MYO16: variants seen among roughly 807,000 people sequenced by gnomAD.
The protein encoded by MYO16 is unconventional myosin-XVI.
A neutral mutation model predicts 205.3 loss-of-function variants in MYO16; 94 were observed. The observed-to-expected ratio is 0.46, with a 90% confidence interval of 0.39 to 0.54. The LOEUF (loss-of-function observed/expected upper bound fraction) is 0.54. MYO16 is among the 20% of genes least tolerant of loss of function. The probability of loss-of-function intolerance (pLI) is 0.00; values close to 1 mark genes in which losing one functional copy is unlikely to be tolerated. For synonymous variants in MYO16, 988 were observed against 954.0 expected (o/e 1.04, Z -0.66); for missense variants, 2,315 against 2,387.5 (o/e 0.97, Z 0.63).
At chr13:108,812,523 GA>G (rs1887325671) in intron 7 of MYO16, among the ~76,000 whole-genome samples, 2 of 152,110 alleles carry the variant, frequency 1.3e-5, no homozygotes, top group African/African-American at 4.8e-5. Flanking sequence ...ATTTCCATGA[GA>G]AACCCAGGCA....
intron 32 of MYO16, among the ~76,000 whole-genome samples, chr13:109,145,381 A>AC (rs397707289): frequency 6.6e-6 from 1 of 151,472 alleles, no homozygotes; most frequent in Non-Finnish European, 1.5e-5. Flanking sequence ...AAAAAAAAAA[A>AC]GTCTTTTAAA....
chr13:109,090,353 T>C (rs933606959), intron 27 of MYO16, among the ~76,000 whole-genome samples: 5 of 152,180 alleles, frequency 3.3e-5, no homozygotes, highest in African/African-American at 2.4e-5. Flanking sequence ...TTTCCATCTT[T>C]CTTGTAAATA....
the MYO16 span, among the ~76,000 whole-genome samples, chr13:108,569,022 T>A: frequency 6.6e-6 from 1 of 152,140 alleles, no homozygotes; most frequent in Non-Finnish European, 1.5e-5. Context: ...TTGATCTATA[T>A]GTCTGATTTT....
the MYO16 span, among the ~76,000 whole-genome samples, chr13:108,536,691 CTT>C: frequency 6.6e-6 from 1 of 152,056 alleles, no homozygotes; most frequent in Admixed American, 6.6e-5. Context: ...ATACCTGAAA[CTT>C]TTAGTATAAA....
At chr13:109,175,862 G>T (rs1879148244) in intron 33 of MYO16, among the ~76,000 whole-genome samples, 1 of 152,042 alleles carries the variant, frequency 6.6e-6, no homozygotes, top group Admixed American at 6.5e-5. Context: ...TGCGCCGTGG[G>T]ATTCTCTACC....
intron 1 of MYO16, among the ~76,000 whole-genome samples, chr13:108,609,529 A>G (rs898041286): frequency 6.6e-6 from 1 of 152,210 alleles, no homozygotes; most frequent in Non-Finnish European, 1.5e-5. Context: ...TAAGCTGATG[A>G]GTAAATGTAG....
At chr13:109,152,225 A>G (rs1184500341) in intron 32 of MYO16, among the ~76,000 whole-genome samples, 1 of 152,208 alleles carries the variant, frequency 6.6e-6, no homozygotes, top group Non-Finnish European at 1.5e-5. Context: ...TTTAATTGCT[A>G]AATTGCCTTT....
intron 2 of MYO16, among the ~76,000 whole-genome samples, chr13:108,677,907 A>G (rs906133827): frequency 5.5e-4 from 83 of 152,258 alleles, no homozygotes; most frequent in African/African-American, 1.9e-3. Flanking sequence ...GAGTTTTCTG[A>G]TTTATTGTGC....
At chr13:109,170,056 G>T (rs907063020) in intron 33 of MYO16, among the ~76,000 whole-genome samples, 1 of 151,322 alleles carries the variant, frequency 6.6e-6, no homozygotes, top group Non-Finnish European at 1.5e-5. Flanking sequence ...CAATAGGAGA[G>T]TATCTTTCTT....
In MYO16 at chr13:108,907,902, C is replaced by G. The variant is rs529524434; in HGVS notation, c.1778-2101C>G. ...ACAAGATGACTATTCATTCTCCCTTCTCATCTGATATTTCATGCCTAAAGG... is the reference window on the plus strand; with the variant it reads ...ACAAGATGACTATTCATTCTCCCTTGTCATCTGATATTTCATGCCTAAAGG... On this transcript the variant is annotated intron_variant, in intron 15 of 34. Transcript: ENST00000457511. Among the ~76,000 whole-genome samples, 34 of 152,250 alleles carry G rather than the reference C, an allele frequency of 2.2e-4. 1 individual carries two copies. In the South Asian group the frequency reaches 3.9e-3, roughly 18 times the overall value.
At chr13:108,757,859 A>G (rs752826510) in intron 4 of MYO16, among the ~76,000 whole-genome samples, 1 of 152,210 alleles carries the variant, frequency 6.6e-6, no homozygotes, top group Non-Finnish European at 1.5e-5. Context: ...TATGAGGGCA[A>G]TGCTACAAAC....
At chr13:109,143,358 T>C (rs1461637573) in intron 32 of MYO16, among the ~76,000 whole-genome samples, 2 of 152,176 alleles carry the variant, frequency 1.3e-5, no homozygotes, top group African/African-American at 2.4e-5. Flanking sequence ...TTTGTTTAGC[T>C]AACAGATTCT....
chr13:108,713,391 G>T (rs1285855585), intron 3 of MYO16, among the ~76,000 whole-genome samples: 2 of 152,148 alleles, frequency 1.3e-5, no homozygotes, highest in African/African-American at 4.8e-5. Flanking sequence ...AAGACAAAAA[G>T]TAATGCTATA....
intron 34 of MYO16, among the ~76,000 whole-genome samples, chr13:109,202,052 A>G (rs1348326518): frequency 6.6e-6 from 1 of 152,052 alleles, no homozygotes; most frequent in Non-Finnish European, 1.5e-5. Context: ...TATGGGGTAT[A>G]TATATATCAC....
chr13:108,733,411 C>T lies in MYO16; in HGVS notation c.507+5828C>T, dbSNP rs780767731. Among the ~76,000 whole-genome samples, 6 of 152,208 alleles carry T rather than the reference C, an allele frequency of 3.9e-5. No homozygotes were observed. In the South Asian group the frequency reaches 8.3e-4, roughly 21 times the overall value. On this transcript the variant is annotated intron_variant, in intron 4 of 34. Transcript: ENST00000457511. Reference sequence around the variant, plus strand: ...GTAGCTGAGGCTACTGATTCAAGAACGAGGCAAATCTACATGCTGAAGTCC... The same window carrying T: ...GTAGCTGAGGCTACTGATTCAAGAATGAGGCAAATCTACATGCTGAAGTCC...
intron 17 of MYO16, among the ~76,000 whole-genome samples, chr13:108,959,825 G>T (rs1409904868): frequency 2.0e-5 from 3 of 151,890 alleles, no homozygotes; most frequent in Non-Finnish European, 4.4e-5. Flanking sequence ...TTTGTCATAG[G>T]GTCCACCACA....
At chr13:108,668,888 C>T (rs187279215) in intron 2 of MYO16, among the ~76,000 whole-genome samples, 2 of 152,036 alleles carry the variant, frequency 1.3e-5, no homozygotes, top group Admixed American at 6.6e-5. Flanking sequence ...AGCCAAAATG[C>T]TCCCTACTAC....
At chr13:108,581,789 G>A in the MYO16 span, among the ~76,000 whole-genome samples, 1 of 151,286 alleles carries the variant, frequency 6.6e-6, no homozygotes, top group African/African-American at 2.4e-5. Flanking sequence ...GGAGACTGAG[G>A]CAGGAGAATC....
chr13:109,134,826 A>G (rs912133935), intron 31 of MYO16, among the ~76,000 whole-genome samples: 1 of 152,076 alleles, frequency 6.6e-6, no homozygotes, highest in Non-Finnish European at 1.5e-5. Flanking sequence ...AACAGATTCT[A>G]CCTCTGGAAA....
Sources: allele counts gnomAD v4.1 joint callset (sites outside exome capture counted in the v4.1 genomes callset), GRCh38; gene constraint gnomAD v4.1.1; transcripts MANE v1.5; gene names NCBI Gene and HGNC (gene_info 2026-07-23, HGNC 2026-07-21).